The following RIMBP2 variants were observed in gnomAD, a reference collection of about 807,000 sequenced individuals.
RIMBP2 encodes RIMS-binding protein 2.
Under a neutral mutation model 118.6 loss-of-function variants are expected in RIMBP2, and 48 were observed. The observed-to-expected ratio is 0.40, with a 90% confidence interval of 0.32 to 0.51. The LOEUF is 0.51. RIMBP2 is among the 20% of genes least tolerant of loss of function. RIMBP2 has a pLI of 0.41. For synonymous variants in RIMBP2, 762 were observed against 742.9 expected, an observed-to-expected ratio of 1.03 and a Z score of -0.42; for missense variants, 1,551 against 1,768.3, an observed-to-expected ratio of 0.88 and a Z score of 2.20.
At chr12:130,453,917 GGCGGT>G (rs2079202549) in intron 7 of RIMBP2, among the ~76,000 whole-genome samples, 1 of 152,104 alleles carries the variant, frequency 6.6e-6, no homozygotes. Context: ...AGCCAGGCGC[GGCGGT>G]GCACACCTGT....
chr12:130,708,736 G>A (rs916533585), intron 1 of RIMBP2, among the ~76,000 whole-genome samples: 1 of 152,124 alleles, frequency 6.6e-6, no homozygotes, highest in Admixed American at 6.5e-5. Context: ...TGTTATACCT[G>A]CGCCCCAGCT....
At chr12:130,681,226 T>C (rs1337543093) in intron 1 of RIMBP2, among the ~76,000 whole-genome samples, 1 of 152,076 alleles carries the variant, frequency 6.6e-6, no homozygotes, top group Non-Finnish European at 1.5e-5. Context: ...GGAGGATCAC[T>C]TGAGGTCAGG....
At chr12:130,610,551 CTTTTTTTTTTTTTT>C (rs386378269) in intron 2 of RIMBP2, among the ~76,000 whole-genome samples, 1 of 81,548 alleles carries the variant, frequency 1.2e-5, no homozygotes. Context: ...AATTTTCCTG[CTTTTTTTTTTTTTT>C]TTTTTTTTTT....
At chr12:130,465,535 C>T (rs753600102) in intron 6 of RIMBP2, 1 of 152,294 alleles carries the variant, frequency 6.6e-6, no homozygotes, top group African/African-American at 2.4e-5. Context: ...GAGGGTGTTA[C>T]CAGGCTGACT....
At position 130,442,183 on chromosome 12, in the gene RIMBP2, C is replaced by T. The variant is rs748222765; in HGVS notation, c.1169G>A (p.Ser390Asn). The T allele has an allele frequency of 6.2e-6, 10 of 1,614,110 alleles. 1 individual carries two copies. The South Asian group carries it at 9.9e-5, about 16-fold the overall frequency. ...CTGCAGCTCATCCGAGCTGCCCCTG[C>T]TGGTGACGCACTGCACGGAGATGCG... ...TYRISVQCVTSRGSSDELQCT... is the reference protein window; with the variant it reads ...TYRISVQCVTNRGSSDELQCT... Residue 390 changes from serine (S) to asparagine (N), a missense_variant, in exon 11 of 23, where the codon AGC becomes AAC. By Grantham distance (46) the Ser-to-Asn change is conservative. Coordinates refer to ENST00000690449, the MANE Select transcript of RIMBP2 (RefSeq NM_001393629.1). This position sits in a 1 kb window ranked among gnomAD's most constrained non-coding sequence, Gnocchi z 6.9.
intron 1 of RIMBP2, among the ~76,000 whole-genome samples, chr12:130,664,409 A>G (rs1594168051): frequency 1.0e-5 from 1 of 97,772 alleles, no homozygotes; most frequent in African/African-American, 3.1e-5. Flanking sequence ...GCACGCACGC[A>G]CGCACACACA....
rs1189977945 is a variant in RIMBP2 at position 130,523,723 on chromosome 12, C to T, written c.-216-5806G>A. On this transcript the variant is annotated intron_variant, in intron 2 of 22. Coordinates refer to ENST00000690449, the MANE Select transcript of RIMBP2 (RefSeq NM_001393629.1). This position sits in a 1 kb window ranked among gnomAD's most constrained non-coding sequence, Gnocchi z 4.4. The stretch of plus-strand genomic sequence containing the variant: ...GTGTATGTGTCAGTACCGGGCTCAG[C>T]AGGGGGCCCTGAGTGAGTGGGTGAG... Among the ~76,000 whole-genome samples, 1 of 152,218 alleles carries T rather than the reference C, an allele frequency of 6.6e-6. No individual in the cohort carries two copies. Among genetic ancestry groups the T allele is most frequent in the Non-Finnish European group, 1.5e-5 (1 of 68,042 alleles).
chr12:130,496,657 C>T (rs1024369459), intron 4 of RIMBP2, among the ~76,000 whole-genome samples: 5 of 152,064 alleles, frequency 3.3e-5, no homozygotes, highest in South Asian at 2.1e-4. Context: ...GCAGCTATGG[C>T]GCTGGGCAGG....
chr12:130,538,845 C>G (rs1267141405), intron 2 of RIMBP2, among the ~76,000 whole-genome samples: 1 of 152,136 alleles, frequency 6.6e-6, no homozygotes, highest in Non-Finnish European at 1.5e-5. Flanking sequence ...CTTCCCTCCC[C>G]GTATTGCCTG....
At chr12:130,445,409 A>T (rs1044408495) in intron 9 of RIMBP2, 140 bp from the exon 10 acceptor site, 1 of 567,506 alleles carries the variant, frequency 1.8e-6, no homozygotes, top group Non-Finnish European at 3.1e-6. Flanking sequence ...TTCGGGGCTG[A>T]TGAGTTCTCT....
chr12:130,562,068 C>A (rs1387613173), intron 2 of RIMBP2, among the ~76,000 whole-genome samples: 1 of 152,108 alleles, frequency 6.6e-6, no homozygotes, highest in African/African-American at 2.4e-5. Context: ...ATCAGACACA[C>A]AAGGAGGGGA....
At position 130,434,600 on chromosome 12, in the gene RIMBP2, C is replaced by A. The variant is rs1346230735; in HGVS notation, c.2253+134G>T. On this transcript the variant is annotated intron_variant, in intron 14 of 22. Transcript: ENST00000690449. This position sits in a 1 kb window ranked among gnomAD's most constrained non-coding sequence, Gnocchi z 5.7. ...TCAGAAACCTAGCACGACTTAGGAC[C>A]CCAGCTGGGCGTCTCCATCTCTCTC... 25 of 913,274 alleles carry A rather than the reference C, an allele frequency of 2.7e-5. No homozygotes were observed. Among genetic ancestry groups the A allele is most frequent in the Non-Finnish European group, 3.4e-5 (21 of 617,778 alleles). The allele number at this position is 913,274 out of a possible 1,614,324, so 56.6% of individuals were successfully genotyped here. A position where few individuals can be genotyped will look rare whatever the true frequency, so the allele number is the denominator to read the frequency against.
intron 12 of RIMBP2, 31 bp downstream of exon 12, chr12:130,438,334 A>ATGCCCCCC: frequency 7.4e-7 from 1 of 1,344,518 alleles, no homozygotes; most frequent in Non-Finnish European, 1.1e-6. Flanking sequence ...GGGCCTAACA[A>ATGCCCCCC]ACCCTCCCCA....
chr12:130,601,335 C>CAAAAAAAAAAAAAAAAAAAAAAAAAAAA (rs35127958), intron 2 of RIMBP2, among the ~76,000 whole-genome samples: 2 of 63,064 alleles, frequency 3.2e-5, no homozygotes, highest in African/African-American at 5.2e-5. Context: ...AGAGGGCAGG[C>CAAAAAAAAAAAAAAAAAAAAAAAAAAAA]AAAAAAAAAA....
chr12:130,700,534 C>A (rs1265032532), intron 1 of RIMBP2, among the ~76,000 whole-genome samples: 2 of 152,140 alleles, frequency 1.3e-5, no homozygotes, highest in Non-Finnish European at 2.9e-5. Flanking sequence ...ATGGAGAAGG[C>A]CACATAGAGC....
Position 130,622,388 on chromosome 12 carries a change from C to T in RIMBP2, c.-217+5934G>A, listed in dbSNP as rs993005708. ...ATAATTATATTGAAAAAGGAAACTA[C>T]ATATAACACAAAACTGTTGGTTAAT... On this transcript the variant is annotated intron_variant, in intron 2 of 22. Transcript: ENST00000690449. This position sits in a 1 kb window ranked among gnomAD's most constrained non-coding sequence, Gnocchi z 8.5. Among the ~76,000 whole-genome samples, 46 of 152,178 alleles carry T rather than the reference C, an allele frequency of 3.0e-4. No homozygotes were observed. The highest frequency in any genetic ancestry group is 3.0e-3 in the Admixed American group (46 of 15,272).
At chr12:130,645,184 C>G (rs533039678) in intron 1 of RIMBP2, among the ~76,000 whole-genome samples, 1 of 152,042 alleles carries the variant, frequency 6.6e-6, no homozygotes, top group Non-Finnish European at 1.5e-5. Context: ...CCGTCCACCT[C>G]CCAGGTTCAA....
intron 1 of RIMBP2, among the ~76,000 whole-genome samples, chr12:130,694,447 T>C (rs1223757310): frequency 6.6e-6 from 1 of 152,138 alleles, no homozygotes; most frequent in Non-Finnish European, 1.5e-5. Flanking sequence ...CAGGACAAAG[T>C]CCAGAGTCCT....
intron 2 of RIMBP2, among the ~76,000 whole-genome samples, chr12:130,531,699 G>T (rs2053392359): frequency 6.6e-6 from 1 of 152,216 alleles, no homozygotes; most frequent in African/African-American, 2.4e-5. Flanking sequence ...TAGAACAGTG[G>T]TGCCTGCAGA....
Sources: gnomAD v4.1 joint callset for allele counts (sites outside exome capture counted in the v4.1 genomes callset) on GRCh38, gnomAD v4.1.1 for gene constraint, Gnocchi (gnomAD v3.1) non-coding constraint, MANE v1.5 for transcripts, NCBI Gene and HGNC (gene_info 2026-07-23, HGNC 2026-07-21) for gene names.